Variants in UBE2H observed in about 807,000 individuals in gnomAD.
The protein encoded by UBE2H is ubiquitin conjugating enzyme E2 H.
UBE2H carries 3 observed loss-of-function variants against 29.0 expected under a neutral mutation model. The ratio of observed to expected loss-of-function variants is 0.10; its 90% CI spans 0.05 to 0.27. The LOEUF (loss-of-function observed/expected upper bound fraction) is 0.27. Ranked by LOEUF, UBE2H falls within the 10% of genes least tolerant of loss-of-function variation. The pLI is 1.00. For synonymous variants in UBE2H, 69 were observed against 82.9 expected (o/e 0.83, Z 0.91); for missense variants, 68 against 228.2 (o/e 0.30, Z 4.52).
intron 1 of UBE2H, among the ~76,000 whole-genome samples, chr7:129,908,773 T>A (rs922926317): frequency 6.6e-6 from 1 of 152,152 alleles, no homozygotes; most frequent in Non-Finnish European, 1.5e-5. Flanking sequence ...GGCCAATCTA[T>A]GATTATCCCC....
At chr7:129,947,329 C>T (rs1333741360) in intron 1 of UBE2H, among the ~76,000 whole-genome samples, 1 of 152,192 alleles carries the variant, frequency 6.6e-6, no homozygotes, top group African/African-American at 2.4e-5. Context: ...TAACTTTTAG[C>T]TTGAAGACCA....
At chr7:129,949,246 G>A in intron 1 of UBE2H, 1 of 306,264 alleles carries the variant, frequency 3.3e-6, no homozygotes, top group Non-Finnish European at 6.6e-6. Context: ...GGCAAATCAC[G>A]CTTTAAGGTC....
intron 3 of UBE2H, among the ~76,000 whole-genome samples, chr7:129,872,005 C>A (rs1050314262): frequency 2.0e-5 from 3 of 152,100 alleles, no homozygotes. Flanking sequence ...CGCCACCATG[C>A]CCGGCTACTT....
At chr7:129,941,013 G>C (rs1348744172) in intron 1 of UBE2H, among the ~76,000 whole-genome samples, 1 of 152,120 alleles carries the variant, frequency 6.6e-6, no homozygotes, top group African/African-American at 2.4e-5. Flanking sequence ...GTAGTACAAT[G>C]GCACCATCTC....
chr7:129,873,434 T>TC (rs1226669076), intron 3 of UBE2H, among the ~76,000 whole-genome samples: 1 of 150,766 alleles, frequency 6.6e-6, no homozygotes, highest in East Asian at 1.9e-4. Context: ...TCTTTTTTTT[T>TC]TTTTTTTTTT....
At chr7:129,868,368 CAGG>C (rs1467887276) in intron 3 of UBE2H, among the ~76,000 whole-genome samples, 1 of 151,818 alleles carries the variant, frequency 6.6e-6, no homozygotes, top group Non-Finnish European at 1.5e-5. Flanking sequence ...ATCATGAGGT[CAGG>C]AGATCGAGAC....
chr7:129,941,227 G>A (rs1427359523), intron 1 of UBE2H, among the ~76,000 whole-genome samples: 1 of 152,010 alleles, frequency 6.6e-6, no homozygotes, highest in East Asian at 1.9e-4. Flanking sequence ...TATTTTAGTA[G>A]AGACAGGGTT....
At chr7:129,864,842 G>T (rs1468579076) in intron 3 of UBE2H, among the ~76,000 whole-genome samples, 1 of 152,004 alleles carries the variant, frequency 6.6e-6, no homozygotes, top group Admixed American at 6.6e-5. Flanking sequence ...GTGAGCCACC[G>T]TGCCCGGCCA....
chr7:129,912,300 C>T (rs1806953021), intron 1 of UBE2H, among the ~76,000 whole-genome samples: 1 of 152,148 alleles, frequency 6.6e-6, no homozygotes, highest in Non-Finnish European at 1.5e-5. Flanking sequence ...ATGCATGGGA[C>T]CAGAAATGTT....
At chr7:129,940,055 G>A (rs1348629654) in intron 1 of UBE2H, among the ~76,000 whole-genome samples, 6 of 152,102 alleles carry the variant, frequency 3.9e-5, no homozygotes, top group African/African-American at 1.4e-4. Flanking sequence ...TTTACTTTTT[G>A]CTAGGCTAAG....
At chr7:129,837,382 A>G (rs192218081) in intron 6 of UBE2H, among the ~76,000 whole-genome samples, 2 of 152,364 alleles carry the variant, frequency 1.3e-5, no homozygotes, top group African/African-American at 4.8e-5. Flanking sequence ...ACTTGCAGAA[A>G]GGTCCAGCAA....
intron 5 of UBE2H, among the ~76,000 whole-genome samples, chr7:129,843,294 C>T (rs547364951): frequency 9.2e-5 from 14 of 152,184 alleles, no homozygotes; most frequent in South Asian, 2.1e-4. Context: ...CCACTGCGCC[C>T]GGCCCATTAA....
chr7:129,892,847 T>TAA (rs368851740), intron 1 of UBE2H, among the ~76,000 whole-genome samples: 2 of 147,884 alleles, frequency 1.4e-5, no homozygotes, highest in East Asian at 2.0e-4. Context: ...ACTTTATGTT[T>TAA]AAAAAAAAAA....
intron 1 of UBE2H, among the ~76,000 whole-genome samples, chr7:129,886,980 C>G (rs1265954348): frequency 6.6e-6 from 1 of 151,968 alleles, no homozygotes; most frequent in East Asian, 1.9e-4. Flanking sequence ...AGTAGAGGGC[C>G]AGCAACGTTA....
rs1563056185 is a variant in UBE2H, at chr7:129,949,049, T to TA, written c.53+3453_53+3454insT. On this transcript the variant is annotated intron_variant, in intron 1 of 6. Coordinates refer to ENST00000355621, the MANE Select transcript of UBE2H (RefSeq NM_003344.4). The stretch of plus-strand genomic sequence containing the variant: ...CGCTGAGGAGCGGTGCCTGCGGCCT[T>TA]TTGCCTGCATACGCTTTTCCAAAAC... The TA allele has an allele frequency of 6.6e-6, 3 of 456,614 alleles. No individual in the cohort carries two copies. In the Admixed American group the frequency reaches 7.0e-5, roughly 11 times the overall value. The allele number at this position is 456,614 out of a possible 1,614,324, so 28.3% of individuals were successfully genotyped here. A position where few individuals can be genotyped will look rare whatever the true frequency, so the allele number is the denominator to read the frequency against.
chr7:129,945,869 C>T (rs1166266356), intron 1 of UBE2H, among the ~76,000 whole-genome samples: 1 of 152,156 alleles, frequency 6.6e-6, no homozygotes, highest in African/African-American at 2.4e-5. Context: ...CCTCAACCTC[C>T]CAAGTAGCTG....
chr7:129,871,943 T>C (rs1246667247), intron 3 of UBE2H, among the ~76,000 whole-genome samples: 3 of 151,966 alleles, frequency 2.0e-5, no homozygotes, highest in African/African-American at 4.8e-5. Flanking sequence ...GCCTCCTGGG[T>C]TCAAGTAATT....
chr7:129,906,446 C>T (rs1422277250), intron 1 of UBE2H, among the ~76,000 whole-genome samples: 1 of 152,056 alleles, frequency 6.6e-6, no homozygotes, highest in Non-Finnish European at 1.5e-5. Context: ...CTCATGTGAT[C>T]CACCCACATC....
At chr7:129,920,824 A>G (rs1261270301) in intron 1 of UBE2H, among the ~76,000 whole-genome samples, 1 of 143,706 alleles carries the variant, frequency 7.0e-6, no homozygotes, top group Non-Finnish European at 1.5e-5. Context: ...AAAACAATGT[A>G]ATAAACAAAT....
Sources: gnomAD v4.1 joint callset for allele counts (sites outside exome capture counted in the v4.1 genomes callset) on GRCh38, gnomAD v4.1.1 for gene constraint, MANE v1.5 for transcripts, NCBI Gene and HGNC (gene_info 2026-07-23, HGNC 2026-07-21) for gene names.